Variants in SGCD observed in about 807,000 individuals in gnomAD.
The protein encoded by SGCD is sarcoglycan delta, also known as delta-sarcoglycan.
Under a neutral mutation model 36.6 loss-of-function variants are expected in SGCD, and 18 were observed. That is an observed-to-expected ratio of 0.49 (90% CI 0.34 to 0.73). The LOEUF is 0.73. SGCD is among the 30% of genes least tolerant of loss of function. The pLI, the probability that SGCD is intolerant of heterozygous loss-of-function variation, is 0.01. For synonymous variants in SGCD, 133 were observed against 130.6 expected (o/e 1.02, Z -0.12); for missense variants, 387 against 346.7 (o/e 1.12, Z -0.92).
chr5:156,222,286 T>G (rs1280470113), intron 3 of SGCD, among the ~76,000 whole-genome samples: 1 of 152,132 alleles, frequency 6.6e-6, no homozygotes, highest in African/African-American at 2.4e-5. Context: ...ACATTCCACA[T>G]TTTAAGTATT....
At chr5:156,620,542 G>C (rs957103829) in intron 6 of SGCD, among the ~76,000 whole-genome samples, 1 of 152,198 alleles carries the variant, frequency 6.6e-6, no homozygotes, top group Non-Finnish European at 1.5e-5. Flanking sequence ...GGTAGGAAGA[G>C]ATCAGGACTA....
At chr5:156,085,938 A>G (rs745798921) in intron 1 of SGCD, among the ~76,000 whole-genome samples, 1 of 152,180 alleles carries the variant, frequency 6.6e-6, no homozygotes. Context: ...ATTTGTTTCC[A>G]TTTGTTTCCC....
At chr5:156,095,561 G>A (rs994762565) in intron 1 of SGCD, among the ~76,000 whole-genome samples, 18 of 152,122 alleles carry the variant, frequency 1.2e-4, no homozygotes, top group Admixed American at 1.2e-3. Context: ...AGTCTGGAAC[G>A]GTTATGAGAG....
At chr5:156,582,855 G>A (rs552066761) in intron 4 of SGCD, among the ~76,000 whole-genome samples, 1 of 152,188 alleles carries the variant, frequency 6.6e-6, no homozygotes, top group Admixed American at 6.5e-5. Context: ...ACACACAGTA[G>A]GAGAACCACT....
At chr5:156,379,402 G>C (rs1770858220) in intron 3 of SGCD, among the ~76,000 whole-genome samples, 1 of 152,154 alleles carries the variant, frequency 6.6e-6, no homozygotes, top group Non-Finnish European at 1.5e-5. Flanking sequence ...AGAGGGAGCA[G>C]CATGTGCAAA....
At chr5:156,728,060 C>T (rs1755865297) in intron 7 of SGCD, among the ~76,000 whole-genome samples, 1 of 152,144 alleles carries the variant, frequency 6.6e-6, no homozygotes, top group Non-Finnish European at 1.5e-5. Flanking sequence ...TAGTGTTATC[C>T]TCTTGTAACA....
intron 1 of SGCD, among the ~76,000 whole-genome samples, chr5:155,999,227 T>A (rs1168422177): frequency 6.6e-6 from 1 of 152,214 alleles, no homozygotes; most frequent in Non-Finnish European, 1.5e-5. Flanking sequence ...AAGATTCTGA[T>A]AAATAGCTGC....
intron 3 of SGCD, among the ~76,000 whole-genome samples, chr5:156,395,129 T>G (rs1034168779): frequency 2.6e-5 from 4 of 152,232 alleles, no homozygotes; most frequent in Admixed American, 6.5e-5. Context: ...CTATTTATTC[T>G]GAGCTTGCTG....
chr5:156,708,695 A>C (rs964169682), intron 7 of SGCD, among the ~76,000 whole-genome samples: 14 of 152,140 alleles, frequency 9.2e-5, no homozygotes, highest in African/African-American at 3.4e-4. Flanking sequence ...AGAATTGAGC[A>C]AAGAGAAAGT....
chr5:156,411,710 T>C (rs1189030115), intron 3 of SGCD, among the ~76,000 whole-genome samples: 8 of 152,318 alleles, frequency 5.3e-5, no homozygotes, highest in African/African-American at 1.9e-4. Context: ...AATTTCATAG[T>C]ATTATTCTTC....
At chr5:156,352,900 A>G (rs1403770658) in intron 3 of SGCD, among the ~76,000 whole-genome samples, 1 of 152,204 alleles carries the variant, frequency 6.6e-6, no homozygotes, top group Non-Finnish European at 1.5e-5. Flanking sequence ...TCTTCAGTAC[A>G]CAATGCTGCC....
chr5:155,798,979 A>G, the SGCD span, among the ~76,000 whole-genome samples: 1 of 152,156 alleles, frequency 6.6e-6, no homozygotes, highest in Non-Finnish European at 1.5e-5. Flanking sequence ...TAATTTCCTG[A>G]GTTGTTTTTA....
intron 2 of SGCD, among the ~76,000 whole-genome samples, chr5:156,335,353 A>C (rs1384832206): frequency 6.6e-6 from 1 of 152,210 alleles, no homozygotes; most frequent in Non-Finnish European, 1.5e-5. Context: ...GTACAGATAC[A>C]CTTTGACCTG....
chr5:156,403,779 C>A (rs898591334), intron 3 of SGCD, among the ~76,000 whole-genome samples: 3 of 151,766 alleles, frequency 2.0e-5, no homozygotes, highest in Non-Finnish European at 4.4e-5. Context: ...TTCTTTAGTT[C>A]TTTGAGAAGA....
At chr5:156,035,545 G>A (rs1338813405) in intron 1 of SGCD, among the ~76,000 whole-genome samples, 1 of 152,108 alleles carries the variant, frequency 6.6e-6, no homozygotes, top group Non-Finnish European at 1.5e-5. Flanking sequence ...AGATGTTTGA[G>A]GCTACAGTGA....
At chr5:155,860,467 C>T in the SGCD span, among the ~76,000 whole-genome samples, 3,196 of 152,232 alleles carry the variant, frequency 0.021, 116 homozygotes, top group African/African-American at 0.072. Flanking sequence ...GTTACTTTTC[C>T]TAAATATTCT....
intron 1 of SGCD, among the ~76,000 whole-genome samples, chr5:155,980,691 G>A (rs368753170): frequency 6.9e-6 from 1 of 144,906 alleles, no homozygotes. Context: ...TACATGGACT[G>A]CACAGGTGAA....
At chr5:156,380,114 C>G (rs1360506507) in intron 3 of SGCD, among the ~76,000 whole-genome samples, 3 of 151,874 alleles carry the variant, frequency 2.0e-5, no homozygotes, top group African/African-American at 4.8e-5. Flanking sequence ...AGTCTTGAAC[C>G]CTACCCTTTA....
At chr5:155,942,708 A>T (rs1395012902) in intron 1 of SGCD, among the ~76,000 whole-genome samples, 1 of 152,292 alleles carries the variant, frequency 6.6e-6, no homozygotes, top group East Asian at 1.9e-4. Flanking sequence ...GAGGAACAGA[A>T]CACAGATAGA....
Sources: gnomAD v4.1 joint callset for allele counts (sites outside exome capture counted in the v4.1 genomes callset) on GRCh38, gnomAD v4.1.1 for gene constraint, MANE v1.5 for transcripts, NCBI Gene and HGNC (gene_info 2026-07-23, HGNC 2026-07-21) for gene names.